Variants in PMFBP1 observed in about 807,000 individuals in gnomAD.
The protein encoded by PMFBP1 is polyamine modulated factor 1 binding protein 1, also known as polyamine-modulated factor 1-binding protein 1.
In PMFBP1, 131 loss-of-function variants were observed where a neutral mutation model predicts 137.8. That is an observed-to-expected ratio of 0.95 (90% CI 0.82 to 1.10). The LOEUF is 1.10. Among genes scored for constraint, PMFBP1 ranks in the 50% least tolerant of loss-of-function variants. The pLI is 0.00. For missense variants in PMFBP1, 1,199 were observed against 1,175.4 expected, an observed-to-expected ratio of 1.02 and a Z score of -0.29; for synonymous variants, 490 against 450.4, an observed-to-expected ratio of 1.09 and a Z score of -1.11.
At chr16:72,227,262 G>A in the PMFBP1 span, among the ~76,000 whole-genome samples, 1 of 152,306 alleles carries the variant, frequency 6.6e-6, no homozygotes, top group South Asian at 2.1e-4. Flanking sequence ...AGGATAGTCT[G>A]CACTGTTATT....
intron 7 of PMFBP1, 110 bp from the exon 8 acceptor site, chr16:72,136,929 T>A: frequency 7.0e-7 from 1 of 1,432,542 alleles, no homozygotes; most frequent in East Asian, 2.3e-5. Flanking sequence ...AGTAGCAGAG[T>A]AATGGCTGCT....
chr16:72,168,706 G>A (rs1379700891), intron 2 of PMFBP1, among the ~76,000 whole-genome samples: 1 of 152,048 alleles, frequency 6.6e-6, no homozygotes, highest in Non-Finnish European at 1.5e-5. Context: ...TTAGATACCC[G>A]GTTTCTCTTA....
At chr16:72,138,031 G>A (rs2042659633) in intron 7 of PMFBP1, among the ~76,000 whole-genome samples, 1 of 152,108 alleles carries the variant, frequency 6.6e-6, no homozygotes, top group Admixed American at 6.6e-5. Flanking sequence ...GGAGCGTGAG[G>A]GCTTTGGAAA....
chr16:72,118,778 C>T (rs1483908264), downstream of PMFBP1, among the ~76,000 whole-genome samples: 2 of 151,790 alleles, frequency 1.3e-5, no homozygotes, highest in East Asian at 1.9e-4. Flanking sequence ...GGGCAGGTGG[C>T]GTGCTCTTGC....
upstream of PMFBP1, among the ~76,000 whole-genome samples, chr16:72,181,004 G>T (rs1222643661): frequency 1.3e-4 from 20 of 152,154 alleles, no homozygotes; most frequent in Admixed American, 1.3e-3. Context: ...ACTTTGGGAG[G>T]CCAAGGCGGG....
the PMFBP1 span, among the ~76,000 whole-genome samples, chr16:72,233,296 C>A: frequency 6.6e-6 from 1 of 152,044 alleles, no homozygotes. Context: ...AAGAAATAAC[C>A]ATTCTGAGTG....
At chr16:72,207,561 G>C in the PMFBP1 span, among the ~76,000 whole-genome samples, 5 of 152,024 alleles carry the variant, frequency 3.3e-5, no homozygotes, top group African/African-American at 7.3e-5. Flanking sequence ...AATTAGAGGA[G>C]GTTGTGAGAG....
the PMFBP1 span, among the ~76,000 whole-genome samples, chr16:72,216,296 T>G: frequency 2.0e-5 from 3 of 152,210 alleles, no homozygotes; most frequent in Non-Finnish European, 4.4e-5. Context: ...GATTTTATTG[T>G]GTTAAGCTGC....
At chr16:72,160,082 A>G (rs2043039561) in intron 3 of PMFBP1, among the ~76,000 whole-genome samples, 1 of 152,192 alleles carries the variant, frequency 6.6e-6, no homozygotes. Flanking sequence ...TACACATTTC[A>G]TCCCTACTTG....
intron 7 of PMFBP1, among the ~76,000 whole-genome samples, chr16:72,137,249 T>C (rs770550337): frequency 6.6e-6 from 1 of 152,208 alleles, no homozygotes; most frequent in Admixed American, 6.5e-5. Context: ...TGCCCGGCAC[T>C]GTCCTGGGTG....
At chr16:72,118,499 T>G (rs1164879648), downstream of PMFBP1, among the ~76,000 whole-genome samples, 2 of 152,246 alleles carry the variant, frequency 1.3e-5, no homozygotes, top group Admixed American at 6.5e-5. Context: ...GTTTCTTCCT[T>G]CACTTTTACT....
At chr16:72,170,443 T>C (rs1350595315) in intron 2 of PMFBP1, among the ~76,000 whole-genome samples, 2 of 152,148 alleles carry the variant, frequency 1.3e-5, no homozygotes, top group East Asian at 1.9e-4. Flanking sequence ...GCTGCTGTTG[T>C]TGTTGTTTGA....
At chr16:72,206,810 C>T in the PMFBP1 span, among the ~76,000 whole-genome samples, 33 of 152,278 alleles carry the variant, frequency 2.2e-4, no homozygotes, top group African/African-American at 7.0e-4. Flanking sequence ...TGCTTACCTC[C>T]CTAAAAGTTT....
At chr16:72,228,706 T>C in the PMFBP1 span, among the ~76,000 whole-genome samples, 1 of 152,192 alleles carries the variant, frequency 6.6e-6, no homozygotes, top group Non-Finnish European at 1.5e-5. Context: ...TTCTTTAGGA[T>C]AGTTTTGCAG....
At position 72,140,552 on chromosome 16, in the gene PMFBP1, C is replaced by T; in HGVS notation, c.667G>A (p.Val223Ile). ...ATGCAAGGAGAAGTGTATATCCGTA[C>T]CTTTGAATGATCACCCTTGTTCTCA... ...EPENKGDHSK[V>I]RIYTSPCMIQ... Residue 223 changes from valine (V) to isoleucine (I), a missense_variant, in exon 6 of 21, where the codon GTA becomes ATA. By Grantham distance (29) the Val-to-Ile change is conservative. Coordinates refer to ENST00000237353, the MANE Select transcript of PMFBP1 (RefSeq NM_031293.3). 6.2e-7 allele frequency: 1 copy of T among 1,613,748 alleles called. No individual in the cohort carries two copies. The highest frequency in any genetic ancestry group is 8.5e-7 in the Non-Finnish European group (1 of 1,179,732).
chr16:72,136,968 A>C, intron 7 of PMFBP1, 149 bp from the exon 8 acceptor site: 1 of 1,058,236 alleles, frequency 9.4e-7, no homozygotes, highest in Non-Finnish European at 1.4e-6. Context: ...GTGCGGAGTG[A>C]CTGCTAATGG....
chr16:72,209,568 T>A, the PMFBP1 span, among the ~76,000 whole-genome samples: 1 of 152,148 alleles, frequency 6.6e-6, no homozygotes, highest in Non-Finnish European at 1.5e-5. Flanking sequence ...GTCATCATAA[T>A]ATATGTAAAA....
chr16:72,126,063 G>C lies in PMFBP1; in HGVS notation c.2158C>G (p.His720Asp). 5 of 1,614,180 alleles carry C rather than the reference G, an allele frequency of 3.1e-6. No homozygotes were observed. Among genetic ancestry groups the C allele is most frequent in the Non-Finnish European group, 4.2e-6 (5 of 1,179,996 alleles). Residue 720 changes from histidine (H) to aspartate (D), a missense_variant, in exon 15 of 21, where the codon CAC (histidine) becomes GAC (aspartate). By Grantham distance (81) the His-to-Asp change is moderately conservative. Coordinates refer to ENST00000237353, the MANE Select transcript of PMFBP1 (RefSeq NM_031293.3). ...QLDKALQKEK[H>D]YLQTTITKEA... ...TTGGTGATGGTAGTCTGGAGATAGTGCTTCTCCTTCTGCAGAGCTTTGTCC... is the reference window on the plus strand; with the variant it reads ...TTGGTGATGGTAGTCTGGAGATAGTCCTTCTCCTTCTGCAGAGCTTTGTCC...
the PMFBP1 span, among the ~76,000 whole-genome samples, chr16:72,218,804 C>T: frequency 1.6e-4 from 25 of 152,222 alleles, no homozygotes; most frequent in South Asian, 4.6e-3. Context: ...TGTGTTGAAA[C>T]CACAGTGGTA....
Sources: allele counts gnomAD v4.1 joint callset (sites outside exome capture counted in the v4.1 genomes callset), GRCh38; gene constraint gnomAD v4.1.1; transcripts MANE v1.5; gene names NCBI Gene and HGNC (gene_info 2026-07-23, HGNC 2026-07-21).